Variants in CDH23 observed in about 807,000 individuals in gnomAD.
The protein encoded by CDH23 is cadherin-23.
In CDH23, 189 loss-of-function variants were observed where a neutral mutation model predicts 317.1. The ratio of observed to expected loss-of-function variants is 0.60; its 90% CI spans 0.53 to 0.67. CDH23 has a LOEUF of 0.67. Among genes scored for constraint, CDH23 ranks in the 30% least tolerant of loss-of-function variants. The pLI, the probability that CDH23 is intolerant of heterozygous loss-of-function variation, is 0.00. For missense variants in CDH23, 4,401 were observed against 4,592.4 expected, an observed-to-expected ratio of 0.96 and a Z score of 1.20; for synonymous variants, 1,839 against 1,876.8, an observed-to-expected ratio of 0.98 and a Z score of 0.52.
intron 20 of CDH23, among the ~76,000 whole-genome samples, chr10:71,693,449 T>G (rs1358267649): frequency 6.6e-6 from 1 of 152,200 alleles, no homozygotes; most frequent in Admixed American, 6.5e-5. Context: ...CTCGAGGCAA[T>G]GTAATTATGC....
intron 30 of CDH23, among the ~76,000 whole-genome samples, chr10:71,727,642 C>T (rs750669049): frequency 2.7e-4 from 41 of 152,136 alleles, no homozygotes; most frequent in Non-Finnish European, 4.1e-4. Flanking sequence ...GACTGGGTGT[C>T]TCAGGGTGTT....
chr10:71,547,063 G>A (rs1856321583), intron 6 of CDH23, among the ~76,000 whole-genome samples: 2 of 152,216 alleles, frequency 1.3e-5, no homozygotes, highest in African/African-American at 4.8e-5. Context: ...CGGGCCCTGG[G>A]GACACAGTGG....
chr10:71,735,684 C>T (rs1839543383), intron 34 of CDH23, among the ~76,000 whole-genome samples: 2 of 152,362 alleles, frequency 1.3e-5, no homozygotes, highest in African/African-American at 4.8e-5. Context: ...AAGCCAAGAG[C>T]CAAACACAAT....
In CDH23 at chr10:71,793,424, G is replaced by T; in HGVS notation, c.6496G>T (p.Asp2166Tyr). The change falls in exon 48 of 70, where the codon GAC (aspartate) becomes TAC (tyrosine). Residue 2166 changes from aspartate (D) to tyrosine (Y), a missense_variant. Asp to Tyr is a radical substitution (Grantham distance 160). Around this residue, in one of 3 missense-constraint regions of CDH23, gnomAD observed 3,068 missense variants for 3,203.3 expected, o/e 0.96. Coordinates refer to ENST00000224721, the MANE Select transcript of CDH23 (RefSeq NM_022124.6). ...AGCCATTGTCACCATTCTGATCGAT[G>T]ACATCAATGACTCCCGCCCCGAGTT... ...GTAIVTILID[D>Y]INDSRPEFLN... 6.2e-7 allele frequency: 1 copy of T among 1,614,008 alleles called. No individual in the cohort carries two copies. The highest frequency in any genetic ancestry group is 8.5e-7 in the Non-Finnish European group (1 of 1,179,894).
Position 71,646,487 on chromosome 10 carries a change from A to G in CDH23, c.1319A>G (p.His440Arg). Reference protein sequence around the residue: ...DLFANESVPDHVGYAKVKITL... With the variant: ...DLFANESVPDRVGYAKVKITL... The stretch of plus-strand genomic sequence containing the variant: ...TTTGCCAATGAGAGTGTGCCTGACC[A>G]TGTGGGCTATGCCAAGGTGAAGATC... Residue 440 changes from histidine to arginine, a missense_variant, in exon 14 of 70, where the codon CAT (histidine) becomes CGT (arginine). By Grantham distance (29) the His-to-Arg change is conservative. Around this residue, in one of 3 missense-constraint regions of CDH23, gnomAD observed 3,068 missense variants for 3,203.3 expected, o/e 0.96. Transcript: ENST00000224721. The G allele has an allele frequency of 2.5e-6, 4 of 1,613,956 alleles. No individual in the cohort carries two copies. The highest frequency in any genetic ancestry group is 1.3e-5 in the African/African-American group (1 of 75,022).
chr10:71,784,826 T>G, intron 42 of CDH23, 65 bp from the exon 43 acceptor site: 1 of 1,374,116 alleles, frequency 7.3e-7, no homozygotes, highest in Non-Finnish European at 1.0e-6. Flanking sequence ...AACCTCCTCC[T>G]CGGTTGCCAT....
At chr10:71,734,606 C>T (rs1207625083) in intron 33 of CDH23, 50 bp from the exon 34 acceptor site, 1 of 1,580,204 alleles carries the variant, frequency 6.3e-7, no homozygotes, top group African/African-American at 1.3e-5. Context: ...TAACCATTTG[C>T]ATCTTTGCCT....
chr10:71,515,598 G>A (rs749030286), intron 6 of CDH23, among the ~76,000 whole-genome samples: 1 of 151,998 alleles, frequency 6.6e-6, no homozygotes, highest in Non-Finnish European at 1.5e-5. Context: ...ATTCTGAGCT[G>A]ACTTGGGCAT....
intron 11 of CDH23, chr10:71,635,319 C>T (rs1862214376): frequency 6.6e-6 from 1 of 152,616 alleles, no homozygotes; most frequent in Admixed American, 6.5e-5. Flanking sequence ...CTGCCCACCT[C>T]GTGCCTTCAT....
intron 9 of CDH23, among the ~76,000 whole-genome samples, chr10:71,578,611 G>T (rs1434949669): frequency 6.6e-6 from 1 of 152,142 alleles, no homozygotes; most frequent in Non-Finnish European, 1.5e-5. Flanking sequence ...CCCAAAGACT[G>T]ACAAATGGCA....
chr10:71,707,546 A>C (rs1865837735), intron 26 of CDH23: 1 of 1,029,234 alleles, frequency 9.7e-7, no homozygotes, highest in African/African-American at 1.7e-5. Context: ...CTGTGGCCAC[A>C]GATGATGAGG....
At chr10:71,643,787 T>G (rs1862689871) in intron 11 of CDH23, 74 bp from the exon 12 acceptor site, 1 of 761,560 alleles carries the variant, frequency 1.3e-6, no homozygotes, top group Admixed American at 1.7e-5. Context: ...CTCTGGTTCC[T>G]TCCTCCTCTC....
chr10:71,743,591 G>T (rs771515426), intron 38 of CDH23, among the ~76,000 whole-genome samples: 8 of 152,150 alleles, frequency 5.3e-5, no homozygotes, highest in Non-Finnish European at 1.0e-4. Context: ...CACCCAGTGG[G>T]CTAAACAAGG....
intron 12 of CDH23, among the ~76,000 whole-genome samples, chr10:71,644,173 C>G (rs1430804994): frequency 6.6e-6 from 1 of 152,242 alleles, no homozygotes; most frequent in Non-Finnish European, 1.5e-5. Context: ...CCCAGAGGAG[C>G]CTTGCCCCCA....
chr10:71,708,922 G>A (rs530274445), intron 26 of CDH23, among the ~76,000 whole-genome samples, 176 bp from the exon 27 acceptor site: 2 of 152,198 alleles, frequency 1.3e-5, no homozygotes, highest in African/African-American at 2.4e-5. Context: ...TGGCACCCCC[G>A]CTGAGCCCAC....
In CDH23 at chr10:71,511,671, T is replaced by A. The variant is rs1337478437; in HGVS notation, c.429+459T>A. ...TTCCCTAGCCCCGCGCTCTCCACCA[T>A]GGTCTCCCAGGCCCCTGTACTGTGT... On this transcript the variant is annotated intron_variant, in intron 6 of 69. Coordinates refer to ENST00000224721, the MANE Select transcript of CDH23 (RefSeq NM_022124.6). 1.2e-5 allele frequency: 3 copies of A among 258,900 alleles called. No homozygotes were observed. In the South Asian group the frequency reaches 1.6e-4, roughly 14 times the overall value. The allele number at this position is 258,900 out of a possible 1,614,324, so 16.0% of individuals were successfully genotyped here. A position where few individuals can be genotyped will look rare whatever the true frequency, so the allele number is the denominator to read the frequency against.
At chr10:71,540,805 G>A (rs1589184456) in intron 6 of CDH23, among the ~76,000 whole-genome samples, 1 of 152,036 alleles carries the variant, frequency 6.6e-6, no homozygotes, top group East Asian at 1.9e-4. Flanking sequence ...TGATGGGAGG[G>A]CTTATCCAGC....
At chr10:71,497,396 A>AC (rs1853034538) in intron 3 of CDH23, among the ~76,000 whole-genome samples, 2 of 152,112 alleles carry the variant, frequency 1.3e-5, no homozygotes, top group Admixed American at 1.3e-4. Context: ...CAAGACTTCA[A>AC]CCCTCATGGG....
chr10:71,716,347 A>G (rs1048049423), intron 28 of CDH23: 136 of 1,465,028 alleles, frequency 9.3e-5, no homozygotes, highest in Non-Finnish European at 1.2e-4. Flanking sequence ...TGGCTCCTGC[A>G]ACAGCAACAA....
Sources: allele counts gnomAD v4.1 joint callset (sites outside exome capture counted in the v4.1 genomes callset), GRCh38; gene constraint gnomAD v4.1.1; regional missense constraint gnomAD v4.1.1; transcripts MANE v1.5; gene names NCBI Gene and HGNC (gene_info 2026-07-23, HGNC 2026-07-21).